CFAP20: variants seen among roughly 807,000 people sequenced by gnomAD.
CFAP20 encodes the protein cilia and flagella associated protein 20, also known as cilia- and flagella-associated protein 20.
A neutral mutation model predicts 25.5 loss-of-function variants in CFAP20; 14 were observed. The observed-to-expected ratio is 0.55, with a 90% CI of 0.36 to 0.86. The LOEUF (loss-of-function observed/expected upper bound fraction) is 0.86. Among genes scored for constraint, CFAP20 ranks in the 40% least tolerant of loss-of-function variants. The pLI is 0.01. For missense variants in CFAP20, 181 were observed against 248.0 expected (o/e 0.73, Z 1.81); for synonymous variants, 75 against 91.1 (o/e 0.82, Z 1.01).
At chr16:58,119,723 C>A (rs1187800592) in intron 1 of CFAP20, among the ~76,000 whole-genome samples, 2 of 152,220 alleles carry the variant, frequency 1.3e-5, no homozygotes, top group Non-Finnish European at 2.9e-5. Context: ...AGCACAAAGG[C>A]CTGGGTCTGT....
chr16:58,119,084 T>TA (rs1485515835), intron 1 of CFAP20: 1 of 152,164 alleles, frequency 6.6e-6, no homozygotes, highest in East Asian at 1.9e-4. Flanking sequence ...TTGGGTCTGG[T>TA]AGTTTTATTT....
At chr16:58,115,098 C>T in intron 4 of CFAP20, 171 bp downstream of exon 4, 1 of 1,056,118 alleles carries the variant, frequency 9.5e-7, no homozygotes, top group South Asian at 1.4e-5. Flanking sequence ...ACCTCTATAC[C>T]TGACCCGACT....
intron 4 of CFAP20, 67 bp downstream of exon 4, chr16:58,115,202 C>A (rs1395813268): frequency 1.3e-6 from 2 of 1,592,902 alleles, no homozygotes; most frequent in African/African-American, 2.7e-5. Context: ...ATGTGGGCCA[C>A]AAGCCAATAT....
intron 1 of CFAP20, among the ~76,000 whole-genome samples, chr16:58,122,755 G>A (rs1410393011): frequency 6.6e-6 from 1 of 152,050 alleles, no homozygotes; most frequent in Non-Finnish European, 1.5e-5. Flanking sequence ...TTATCAACAA[G>A]GCATGCTAAC....
At chr16:58,126,516 A>C (rs186382445) in intron 1 of CFAP20, among the ~76,000 whole-genome samples, 1 of 152,210 alleles carries the variant, frequency 6.6e-6, no homozygotes, top group South Asian at 2.1e-4. Flanking sequence ...AATTCTCTCT[A>C]TATATACTCA....
intron 1 of CFAP20, among the ~76,000 whole-genome samples, chr16:58,122,217 A>G (rs770511200): frequency 2.6e-5 from 4 of 152,236 alleles, no homozygotes; most frequent in Non-Finnish European, 2.9e-5. Context: ...CTCTGGGCAT[A>G]CACCAACAAC....
rs1960678061 is a variant in CFAP20 at position 58,129,305 on chromosome 16, T to TCAGCTCCTAAGCTGCGAGCTC, written c.-211_-191dup. The TCAGCTCCTAAGCTGCGAGCTC allele has an allele frequency of 5.0e-6, 3 of 595,482 alleles. No individual in the cohort carries two copies. Among genetic ancestry groups the TCAGCTCCTAAGCTGCGAGCTC allele is most frequent in the Non-Finnish European group, 8.9e-6 (3 of 336,736 alleles). The allele number at this position is 595,482 out of a possible 1,614,324, so 36.9% of individuals were successfully genotyped here. On this transcript the variant is annotated 5_prime_UTR_variant, in exon 1 of 6. Coordinates refer to ENST00000262498, the MANE Select transcript of CFAP20 (RefSeq NM_013242.3). ...CGCGGCAACGCTAAGTCCGCGATCT[T>TCAGCTCCTAAGCTGCGAGCTC]CAGCTCCTAAGCTGCGAGCTCAGAA...
In CFAP20 at chr16:58,116,169, T is replaced by C; in HGVS notation, c.165-17A>G. The C allele has an allele frequency of 6.4e-7, 1 of 1,552,732 alleles. No individual in the cohort carries two copies. Among genetic ancestry groups the C allele is most frequent in the South Asian group, 1.1e-5 (1 of 89,760 alleles). On this transcript the variant is annotated splice_polypyrimidine_tract_variant and intron_variant, in intron 2 of 5. Transcript: ENST00000262498. ...TATGTGGTGCTGTAGAGAGAGGAAA[T>C]ACTAATAAACACACTCCTGGACTCT... is the stretch of plus-strand genomic sequence containing the variant.
Position 58,114,915 on chromosome 16 carries a change from A to G in CFAP20, c.471T>C (p.His157=), listed in dbSNP as rs368456885. The change falls in exon 5 of 6, where the codon CAT becomes CAC. Residue 157 remains histidine, a synonymous_variant. Coordinates refer to ENST00000262498, the MANE Select transcript of CFAP20 (RefSeq NM_013242.3). The part of the protein sequence containing the change: ...NYIETLRVQI[H]ANCRIRRVYF... Reference sequence around the variant, plus strand: ...AAACCCGTCGGATGCGACAATTTGCATGGATCTGTCAAGGCAATGCTTCTT... The same window carrying G: ...AAACCCGTCGGATGCGACAATTTGCGTGGATCTGTCAAGGCAATGCTTCTT... 1.6e-5 allele frequency: 26 copies of G among 1,611,996 alleles called. No homozygotes were observed. The African/African-American group carries it at 3.1e-4, about 19-fold the overall frequency.
In CFAP20 at chr16:58,116,844, C is replaced by T. The variant is rs569612903; in HGVS notation, c.164+28G>A. On this transcript the variant is annotated intron_variant, in intron 2 of 5. Coordinates refer to ENST00000262498, the MANE Select transcript of CFAP20 (RefSeq NM_013242.3). ...GTACTGCCTCCCTAGTATATGATGT[C>T]TCTGGGAGAACAGAGGTGGCAACCT... is the stretch of plus-strand genomic sequence containing the variant. The T allele has an allele frequency of 1.0e-5, 16 of 1,592,830 alleles. No homozygotes were observed. The East Asian group carries it at 1.6e-4, about 16-fold the overall frequency.
At chr16:58,114,126 G>C in intron 5 of CFAP20, 96 bp from the exon 6 acceptor site, 1 of 1,299,068 alleles carries the variant, frequency 7.7e-7, no homozygotes, top group Non-Finnish European at 1.1e-6. Flanking sequence ...CACTTGAGTG[G>C]ACAGTGACTG....
chr16:58,126,868 C>T (rs902203587), intron 1 of CFAP20, among the ~76,000 whole-genome samples: 4 of 152,226 alleles, frequency 2.6e-5, no homozygotes, highest in African/African-American at 9.6e-5. Context: ...CTGAGGGATA[C>T]GGCCCCAAAC....
chr16:58,115,567 CT>C, intron 3 of CFAP20, 110 bp from the exon 4 acceptor site: 1 of 1,314,636 alleles, frequency 7.6e-7, no homozygotes, highest in Non-Finnish European at 1.1e-6. Context: ...AAGGCTGAGA[CT>C]TAGAGGAAAA....
At chr16:58,124,748 G>A (rs921720095) in intron 1 of CFAP20, among the ~76,000 whole-genome samples, 17 of 152,230 alleles carry the variant, frequency 1.1e-4, no homozygotes, top group Non-Finnish European at 5.9e-5. Context: ...TGAATGTGAA[G>A]GCCTAGGACA....
chr16:58,114,175 A>G (rs1384993867), intron 5 of CFAP20, 145 bp from the exon 6 acceptor site: 2 of 885,894 alleles, frequency 2.3e-6, no homozygotes, highest in African/African-American at 3.3e-5. Context: ...CAGGCAGGGA[A>G]GCACCCACCC....
intron 1 of CFAP20, among the ~76,000 whole-genome samples, chr16:58,123,438 T>C (rs1342492864): frequency 6.7e-6 from 1 of 148,336 alleles, no homozygotes; most frequent in African/African-American, 2.4e-5. Flanking sequence ...TTACTAAAAA[T>C]GCAAAAAATT....
chr16:58,126,144 C>T (rs577475560), intron 1 of CFAP20, among the ~76,000 whole-genome samples: 8 of 152,292 alleles, frequency 5.3e-5, no homozygotes, highest in Non-Finnish European at 1.2e-4. Flanking sequence ...TGTCTGACCA[C>T]GCCCTAGCAT....
chr16:58,121,750 G>A lies in CFAP20; in HGVS notation c.85-4799C>T, dbSNP rs59402573. On this transcript the variant is annotated intron_variant, in intron 1 of 5. Coordinates refer to ENST00000262498, the MANE Select transcript of CFAP20 (RefSeq NM_013242.3). ...GCTAGGGCAACTAATAAAGAACACC[G>A]ATTTCTCTCCCTCCCCGCAATGTAA... is the stretch of plus-strand genomic sequence containing the variant. Among the ~76,000 whole-genome samples the A allele has an allele frequency of 2.6e-3, 391 of 152,012 alleles. 7 individuals are homozygous for A. In the East Asian group the frequency reaches 0.042, roughly 16 times the overall value.
intron 1 of CFAP20, among the ~76,000 whole-genome samples, chr16:58,128,594 T>G (rs1312706702): frequency 6.6e-6 from 1 of 152,144 alleles, no homozygotes; most frequent in East Asian, 1.9e-4. Flanking sequence ...TATCAGTAAA[T>G]ATTTGGAATT....
Sources: gnomAD v4.1 joint callset for allele counts (sites outside exome capture counted in the v4.1 genomes callset) on GRCh38, gnomAD v4.1.1 for gene constraint, MANE v1.5 for transcripts, NCBI Gene and HGNC (gene_info 2026-07-23, HGNC 2026-07-21) for gene names.